POM121: variants seen among roughly 807,000 people sequenced by gnomAD.
The protein encoded by POM121 is POM121 transmembrane nucleoporin, also known as nuclear envelope pore membrane protein POM 121.
In POM121, 32 loss-of-function variants were observed where a neutral mutation model predicts 81.3. That is an observed-to-expected ratio of 0.39 (90% CI 0.30 to 0.53). The LOEUF (loss-of-function observed/expected upper bound fraction) is 0.53, where lower values mean the gene tolerates loss of function less well. POM121 is among the 20% of genes least tolerant of loss of function. The pLI, the probability that POM121 is intolerant of heterozygous loss-of-function variation, is 0.66. For synonymous variants in POM121, 514 were observed against 694.2 expected (o/e 0.74, Z 4.08); for missense variants, 1,138 against 1,614.6 (o/e 0.70, Z 5.06).
At chr7:72,906,691 C>T (rs868934880) in intron 3 of POM121, among the ~76,000 whole-genome samples, 2 of 152,100 alleles carry the variant, frequency 1.3e-5, no homozygotes, top group South Asian at 2.1e-4. Flanking sequence ...GGTGCAGTCA[C>T]GGCTTACTGC....
At chr7:72,898,969 C>A (rs371053135) in intron 3 of POM121, among the ~76,000 whole-genome samples, 1 of 107,988 alleles carries the variant, frequency 9.3e-6, no homozygotes, top group Non-Finnish European at 1.9e-5. Flanking sequence ...GTTTCTTTTT[C>A]TTTTCTTTTC....
intron 3 of POM121, among the ~76,000 whole-genome samples, chr7:72,898,551 CTT>C (rs1339118711): frequency 2.0e-5 from 3 of 152,164 alleles, no homozygotes; most frequent in Non-Finnish European, 4.4e-5. Flanking sequence ...AATCCCAACA[CTT>C]TGGGAGGCCA....
chr7:72,895,786 G>A (rs1465675285), intron 3 of POM121, among the ~76,000 whole-genome samples: 1 of 151,828 alleles, frequency 6.6e-6, no homozygotes, highest in East Asian at 1.9e-4. Flanking sequence ...GTGCACGCCT[G>A]TAATCCCAGC....
At chr7:72,932,935 C>T (rs1796161149) in intron 5 of POM121, among the ~76,000 whole-genome samples, 1 of 151,510 alleles carries the variant, frequency 6.6e-6, no homozygotes, top group African/African-American at 2.4e-5. Flanking sequence ...GCCTGTAATC[C>T]CAGCTACTCA....
exon 1 of POM121, chr7:72,879,839 C>T (rs1789950804): frequency 2.0e-6 from 1 of 510,034 alleles, no homozygotes; most frequent in Non-Finnish European, 3.9e-6. Flanking sequence ...GCAGCCCGCC[C>T]CGGCCTCTCG....
At chr7:72,940,604 T>C (rs1554500688) in intron 9 of POM121, 88 bp downstream of exon 9, 1 of 594,070 alleles carries the variant, frequency 1.7e-6, no homozygotes, top group Non-Finnish European at 3.0e-6. Flanking sequence ...AATGGGTTTC[T>C]CTGGGAAAAT....
At position 72,942,169 on chromosome 7, in the gene POM121, C is replaced by G; in HGVS notation, c.2176C>G (p.Pro726Ala). 1 of 1,609,202 alleles carries G rather than the reference C, an allele frequency of 6.2e-7. No individual in the cohort carries two copies. The highest frequency in any genetic ancestry group is 1.1e-5 in the South Asian group (1 of 90,434). ...PAAPAASSAP[P>A]MFKPIFTAPP... is the part of the protein sequence containing the mutation. ...CGCCCCTGCTGCATCTTCAGCACCT[C>G]CCATGTTCAAGCCCATTTTCACGGC... Residue 726 changes from proline (P) to alanine (A), a missense_variant, in exon 11 of 13, where the codon CCC becomes GCC. Coordinates refer to ENST00000434423, the MANE Select transcript of POM121 (RefSeq NM_001387691.1).
intron 4 of POM121, among the ~76,000 whole-genome samples, chr7:72,918,242 G>A (rs1186681088): frequency 2.0e-5 from 3 of 151,928 alleles, no homozygotes; most frequent in African/African-American, 7.2e-5. Flanking sequence ...AACTCCCCCG[G>A]GGAAAGGGAG....
rs1176934230 is a variant in POM121 at position 72,927,059 on chromosome 7, G to C, written c.1022+96G>C. On this transcript the variant is annotated intron_variant, in intron 3 of 12. Coordinates refer to ENST00000434423, the MANE Select transcript of POM121 (RefSeq NM_001387691.1). ...CATATAGATACAGAGGCCATCTCCA[G>C]TTTATGAGCCTTCGTAGGCCCCCTT... is the stretch of plus-strand genomic sequence containing the variant. 3.2e-6 allele frequency: 5 copies of C among 1,586,786 alleles called. No homozygotes were observed. The African/African-American group carries it at 6.8e-5, about 21-fold the overall frequency.
upstream of POM121, among the ~76,000 whole-genome samples, chr7:72,921,039 G>A (rs769778928): frequency 2.5e-4 from 38 of 152,234 alleles, no homozygotes; most frequent in Middle Eastern, 3.4e-3. Flanking sequence ...AAAAGTAGCC[G>A]AGTGTGGTGG....
At position 72,925,340 on chromosome 7, in the gene POM121, C is replaced by A. The variant is rs1414708677; in HGVS notation, c.219C>A (p.Pro73=). 2.0e-6 allele frequency: 3 copies of A among 1,534,202 alleles called. No individual in the cohort carries two copies. The highest frequency in any genetic ancestry group is 2.6e-6 in the Non-Finnish European group (3 of 1,146,662). Residue 73 remains proline (P), a synonymous_variant, in exon 1 of 13, where the codon CCC becomes CCA. Transcript: ENST00000434423. The stretch of plus-strand genomic sequence containing the variant: ...CCTGGTGGGGACTGAGCCGCGAGCC[C>A]CGAGGTTCGCGCCCCTTGTCCTCCT... ...TAAWWGLSRE[P]RGSRPLSSFV...
At chr7:72,884,738 T>A (rs1790537418) in intron 1 of POM121, among the ~76,000 whole-genome samples, 1 of 149,498 alleles carries the variant, frequency 6.7e-6, no homozygotes, top group Admixed American at 6.7e-5. Flanking sequence ...TATGCCTATA[T>A]ACGTGTGTGT....
downstream of POM121, chr7:72,949,194 C>T: frequency 2.6e-6 from 3 of 1,148,056 alleles, no homozygotes; most frequent in South Asian, 3.8e-5. Flanking sequence ...CAGAGGAGAA[C>T]TTTTGCTCCA....
chr7:72,934,692 T>G (rs551453267), intron 5 of POM121, among the ~76,000 whole-genome samples: 131 of 152,318 alleles, frequency 8.6e-4, no homozygotes, highest in Admixed American at 2.2e-3. Context: ...TTAGTTTTTT[T>G]TGTGTTTGGT....
chr7:72,917,770 G>T (rs1554495329), intron 4 of POM121, among the ~76,000 whole-genome samples: 1 of 152,184 alleles, frequency 6.6e-6, no homozygotes, highest in Non-Finnish European at 1.5e-5. Context: ...AGAGATAAAA[G>T]AAAAGACAGC....
At position 72,946,273 on chromosome 7, in the gene POM121, A is replaced by C. The variant is rs1367691494; in HGVS notation, c.*39A>C. ...TCCCTGTTCCCCCCACCCCTTCCCTAAATCTGGACCTTGGCACCTGCTAGG... is the reference window on the plus strand; with the variant it reads ...TCCCTGTTCCCCCCACCCCTTCCCTCAATCTGGACCTTGGCACCTGCTAGG... On this transcript the variant is annotated 3_prime_UTR_variant, in exon 13 of 13. Coordinates refer to ENST00000434423, the MANE Select transcript of POM121 (RefSeq NM_001387691.1). The C allele has an allele frequency of 2.7e-5, 43 of 1,604,894 alleles. 1 individual carries two copies. The highest frequency in any genetic ancestry group is 3.6e-5 in the Non-Finnish European group (42 of 1,176,392).
chr7:72,915,950 G>A (rs1361224515), intron 4 of POM121, among the ~76,000 whole-genome samples: 2 of 152,212 alleles, frequency 1.3e-5, no homozygotes, highest in African/African-American at 4.8e-5. Flanking sequence ...GATTACAGGC[G>A]TGAGCCACCG....
chr7:72,942,030 TC>T lies in POM121; in HGVS notation c.2039del (p.Pro680GlnfsTer161), dbSNP rs1423641177. The part of the protein sequence containing the change: ...MVPATDTKAP[P>X]TLQAETATKP... ...TACCAGCCACTGACACCAAGGCACC[TC>T]CAACCCTTCAGGCAGAGACGGCTAC... On this transcript the variant is annotated frameshift_variant, in exon 11 of 13. Transcript: ENST00000434423. LOFTEE classifies it high-confidence loss of function. 6.2e-7 allele frequency: 1 copy of T among 1,601,620 alleles called. No individual in the cohort carries two copies. The highest frequency in any genetic ancestry group is 8.5e-7 in the Non-Finnish European group (1 of 1,177,520).
chr7:72,930,243 C>A, intron 5 of POM121, 132 bp downstream of exon 5: 4 of 1,279,398 alleles, frequency 3.1e-6, no homozygotes, highest in Non-Finnish European at 1.0e-6. Flanking sequence ...TTGCTTGAGC[C>A]CAGGAGTTCA....
Sources: allele counts gnomAD v4.1 joint callset (sites outside exome capture counted in the v4.1 genomes callset), GRCh38; gene constraint gnomAD v4.1.1; transcripts MANE v1.5; gene names NCBI Gene and HGNC (gene_info 2026-07-23, HGNC 2026-07-21).